IQCM: variants seen among roughly 807,000 people sequenced by gnomAD.
IQCM encodes the protein IQ domain-containing protein M.
A neutral mutation model predicts 57.6 loss-of-function variants in IQCM; 45 were observed. The ratio of observed to expected loss-of-function variants is 0.78; its 90% CI spans 0.62 to 1.00. IQCM has a LOEUF of 1.00. Ranked by LOEUF, IQCM falls within the 50% of genes least tolerant of loss-of-function variation. The pLI, the probability that IQCM is intolerant of heterozygous loss-of-function variation, is 0.00. For synonymous variants in IQCM, 148 were observed against 158.9 expected, an observed-to-expected ratio of 0.93 and a Z score of 0.51; for missense variants, 468 against 511.6, an observed-to-expected ratio of 0.91 and a Z score of 0.82.
chr4:149,524,081 C>A (rs1046462094), intron 12 of IQCM, among the ~76,000 whole-genome samples: 5 of 151,926 alleles, frequency 3.3e-5, no homozygotes, highest in Non-Finnish European at 2.9e-5. Context: ...ATCCAAATAA[C>A]AATTTTTAAA....
chr4:149,807,014 C>T (rs1409287791), intron 2 of IQCM, among the ~76,000 whole-genome samples: 1 of 151,416 alleles, frequency 6.6e-6, no homozygotes, highest in Non-Finnish European at 1.5e-5. Flanking sequence ...TTGAAGAGGA[C>T]ACAAAAAAAT....
intron 12 of IQCM, among the ~76,000 whole-genome samples, chr4:149,457,378 G>C (rs1409333635): frequency 6.6e-6 from 1 of 151,932 alleles, no homozygotes; most frequent in Admixed American, 6.6e-5. Flanking sequence ...ACAAAAGCAG[G>C]GTGACGTAAA....
At chr4:149,420,978 G>T (rs1331326305) in intron 13 of IQCM, among the ~76,000 whole-genome samples, 2 of 150,978 alleles carry the variant, frequency 1.3e-5, no homozygotes, top group Non-Finnish European at 3.0e-5. Flanking sequence ...TCAGATGGAG[G>T]TTATTATGCA....
At chr4:149,408,440 A>G (rs1406091810) in intron 13 of IQCM, among the ~76,000 whole-genome samples, 3 of 152,282 alleles carry the variant, frequency 2.0e-5, no homozygotes, top group African/African-American at 7.2e-5. Flanking sequence ...AATGAACAAA[A>G]CTGTGGTGTT....
intron 8 of IQCM, among the ~76,000 whole-genome samples, chr4:149,615,758 G>C (rs1228064858): frequency 6.6e-6 from 1 of 152,152 alleles, no homozygotes; most frequent in East Asian, 1.9e-4. Flanking sequence ...CTTCTAAGTA[G>C]AGTATGTTAT....
At chr4:149,533,246 A>G (rs1021892075) in intron 12 of IQCM, among the ~76,000 whole-genome samples, 1 of 152,132 alleles carries the variant, frequency 6.6e-6, no homozygotes, top group Admixed American at 6.6e-5. Flanking sequence ...GAGAATTTTT[A>G]TATTTTCATT....
chr4:149,424,033 A>G (rs535260038), intron 13 of IQCM, among the ~76,000 whole-genome samples: 4 of 152,094 alleles, frequency 2.6e-5, no homozygotes, highest in African/African-American at 9.6e-5. Flanking sequence ...CTTAGCTGCT[A>G]TAGTAATCCT....
At chr4:149,807,855 A>ATT (rs199502500) in intron 2 of IQCM, among the ~76,000 whole-genome samples, 2,110 of 152,170 alleles carry the variant, frequency 0.014, 55 homozygotes, top group African/African-American at 0.048. Flanking sequence ...AATCACCAGG[A>ATT]AGATGCATGT....
intron 13 of IQCM, among the ~76,000 whole-genome samples, chr4:149,400,573 T>A (rs1213067101): frequency 2.6e-5 from 4 of 152,014 alleles, no homozygotes; most frequent in Non-Finnish European, 4.4e-5. Context: ...AAATTCAATT[T>A]TTGATAACTT....
chr4:149,472,378 C>G (rs1739666589), intron 12 of IQCM, among the ~76,000 whole-genome samples: 1 of 152,080 alleles, frequency 6.6e-6, no homozygotes, highest in Non-Finnish European at 1.5e-5. Context: ...ACAATTGCTA[C>G]AAAGGGAATA....
At chr4:149,374,505 A>G (rs1182034356) in intron 13 of IQCM, among the ~76,000 whole-genome samples, 1 of 152,064 alleles carries the variant, frequency 6.6e-6, no homozygotes, top group South Asian at 2.1e-4. Context: ...CACTACTCCA[A>G]AAACATCTTT....
At chr4:149,622,281 C>T (rs914867840) in intron 7 of IQCM, among the ~76,000 whole-genome samples, 1 of 151,970 alleles carries the variant, frequency 6.6e-6, no homozygotes, top group African/African-American at 2.4e-5. Flanking sequence ...AAGGCAAAAT[C>T]TCTAGAAGAG....
intron 8 of IQCM, among the ~76,000 whole-genome samples, chr4:149,613,819 G>A (rs1224592043): frequency 1.3e-5 from 2 of 151,998 alleles, no homozygotes; most frequent in African/African-American, 4.8e-5. Flanking sequence ...AACATGCGGT[G>A]TTTGGTTTTT....
intron 13 of IQCM, among the ~76,000 whole-genome samples, chr4:149,384,704 A>G (rs1352456651): frequency 6.6e-5 from 10 of 151,980 alleles, no homozygotes; most frequent in Non-Finnish European, 1.0e-4. Flanking sequence ...CACATGTAAA[A>G]ATATTAACAT....
At chr4:149,382,922 C>T (rs2111042229) in intron 13 of IQCM, among the ~76,000 whole-genome samples, 1 of 148,730 alleles carries the variant, frequency 6.7e-6, no homozygotes, top group Admixed American at 6.7e-5. Flanking sequence ...TACTTTAGAC[C>T]AGCAAGGAAA....
At chr4:149,735,712 A>G (rs1363398835) in intron 3 of IQCM, among the ~76,000 whole-genome samples, 1 of 152,178 alleles carries the variant, frequency 6.6e-6, no homozygotes, top group Non-Finnish European at 1.5e-5. Context: ...ATGTTACTGT[A>G]TAGAAGATAT....
intron 8 of IQCM, among the ~76,000 whole-genome samples, chr4:149,609,073 C>A (rs1024592068): frequency 4.6e-5 from 7 of 151,692 alleles, no homozygotes; most frequent in African/African-American, 1.4e-4. Flanking sequence ...TCCACTGATA[C>A]CACAGAAATT....
At chr4:149,762,882 T>C (rs979262290) in intron 2 of IQCM, among the ~76,000 whole-genome samples, 3 of 152,054 alleles carry the variant, frequency 2.0e-5, no homozygotes, top group Non-Finnish European at 4.4e-5. Context: ...TGTTGCCACA[T>C]AGCAATTTTT....
chr4:149,577,772 A>G (rs1223905319), intron 9 of IQCM, among the ~76,000 whole-genome samples: 2 of 151,900 alleles, frequency 1.3e-5, no homozygotes, highest in East Asian at 1.9e-4. Flanking sequence ...GAAAAATGAT[A>G]TTGGTAGTTG....
Sources: gnomAD v4.1 joint callset for allele counts (sites outside exome capture counted in the v4.1 genomes callset) on GRCh38, gnomAD v4.1.1 for gene constraint, MANE v1.5 for transcripts, NCBI Gene and HGNC (gene_info 2026-07-23, HGNC 2026-07-21) for gene names.